The following TENM4 variants were observed in gnomAD, a reference collection of about 807,000 sequenced individuals.
TENM4 encodes the protein teneurin transmembrane protein 4, also known as teneurin-4.
Under a neutral mutation model 243.3 loss-of-function variants are expected in TENM4, and 82 were observed. The observed-to-expected ratio is 0.34, with a 90% CI of 0.28 to 0.40. TENM4 has a LOEUF of 0.40. TENM4 is among the 10% of genes least tolerant of loss of function. The probability of loss-of-function intolerance (pLI) is 1.00; values close to 1 mark genes in which losing one functional copy is unlikely to be tolerated. For missense variants in TENM4, 3,138 were observed against 3,673.3 expected (o/e 0.85, Z 3.77); for synonymous variants, 1,412 against 1,456.3 (o/e 0.97, Z 0.69).
chr11:79,137,328 G>T lies in TENM4; in HGVS notation c.-66+11382C>A, dbSNP rs149115756. 4.6e-3 allele frequency among the ~76,000 whole-genome samples: 704 copies of T among 152,286 alleles called. 5 individuals carry two copies. Among genetic ancestry groups the T allele is most frequent in the African/African-American group, 0.016 (676 of 41,558 alleles). On this transcript the variant is annotated intron_variant, in intron 4 of 33. Coordinates refer to ENST00000278550, the MANE Select transcript of TENM4 (RefSeq NM_001098816.3). Reference sequence around the variant, plus strand: ...GAAATCAGTCTGCTACTCCACAACGGAGGTAAGGAAGAGTATGCATGGAAT... The same window carrying T: ...GAAATCAGTCTGCTACTCCACAACGTAGGTAAGGAAGAGTATGCATGGAAT...
intron 1 of TENM4, among the ~76,000 whole-genome samples, chr11:79,431,177 TG>T (rs1205751154): frequency 1.3e-5 from 2 of 152,246 alleles, no homozygotes; most frequent in African/African-American, 4.8e-5. Context: ...TCTCTAGTCC[TG>T]CTTCAACAAA....
At chr11:79,351,014 G>A (rs1274988714) in intron 1 of TENM4, among the ~76,000 whole-genome samples, 2 of 151,814 alleles carry the variant, frequency 1.3e-5, no homozygotes, top group Non-Finnish European at 2.9e-5. Context: ...TGACCTCCCC[G>A]GCCATACTCT....
intron 6 of TENM4, among the ~76,000 whole-genome samples, chr11:79,009,359 C>A (rs1454340721): frequency 6.6e-6 from 1 of 152,094 alleles, no homozygotes; most frequent in African/African-American, 2.4e-5. Flanking sequence ...GACACTCAAG[C>A]AAGTATTTTA....
intron 2 of TENM4, among the ~76,000 whole-genome samples, chr11:79,253,777 C>G (rs917766609): frequency 1.3e-5 from 2 of 152,012 alleles, no homozygotes; most frequent in Non-Finnish European, 2.9e-5. Context: ...TTCAGAATCT[C>G]AAAATAAACT....
chr11:79,414,762 G>A (rs1241329808), intron 1 of TENM4, among the ~76,000 whole-genome samples: 1 of 152,204 alleles, frequency 6.6e-6, no homozygotes, highest in African/African-American at 2.4e-5. Context: ...AGAGAGAGGG[G>A]CTGAGCAGAG....
At chr11:79,057,858 C>T (rs921069914) in intron 6 of TENM4, among the ~76,000 whole-genome samples, 2 of 152,156 alleles carry the variant, frequency 1.3e-5, no homozygotes, top group African/African-American at 2.4e-5. Flanking sequence ...CTTGGTTTAC[C>T]CCCAAGCTTT....
At chr11:78,737,327 C>T (rs1855824026) in intron 20 of TENM4, among the ~76,000 whole-genome samples, 1 of 152,134 alleles carries the variant, frequency 6.6e-6, no homozygotes, top group Non-Finnish European at 1.5e-5. Context: ...TGAAGACTGG[C>T]CACTAATGTC....
intron 2 of TENM4, among the ~76,000 whole-genome samples, chr11:79,271,116 G>T (rs1855961507): frequency 6.6e-6 from 1 of 152,094 alleles, no homozygotes; most frequent in African/African-American, 2.4e-5. Flanking sequence ...AGTCAGTCTG[G>T]GGGTAAAAGA....
At chr11:79,117,827 C>G (rs1361543715) in intron 4 of TENM4, among the ~76,000 whole-genome samples, 1 of 152,196 alleles carries the variant, frequency 6.6e-6, no homozygotes, top group Non-Finnish European at 1.5e-5. Context: ...CCACTTTCCA[C>G]AGGTAAATGA....
chr11:79,410,319 A>C (rs894953107), intron 1 of TENM4, among the ~76,000 whole-genome samples: 34 of 152,192 alleles, frequency 2.2e-4, no homozygotes, highest in Non-Finnish European at 8.8e-5. Flanking sequence ...GCACCTCTCC[A>C]GTGCTCCATC....
At chr11:78,855,878 G>A in intron 11 of TENM4, 86 bp downstream of exon 11, 1 of 1,301,496 alleles carries the variant, frequency 7.7e-7, no homozygotes, top group Non-Finnish European at 1.1e-6. Flanking sequence ...TCAGGCTTAA[G>A]GCTCTGGATT....
intron 9 of TENM4, among the ~76,000 whole-genome samples, chr11:78,877,240 CTCT>C (rs1203617960): frequency 1.3e-5 from 2 of 152,020 alleles, no homozygotes; most frequent in Admixed American, 6.6e-5. Context: ...TCAGCCCTCT[CTCT>C]TCCTCTCACT....
intron 2 of TENM4, among the ~76,000 whole-genome samples, chr11:79,262,847 G>A (rs778869502): frequency 2.0e-5 from 3 of 152,104 alleles, no homozygotes; most frequent in African/African-American, 7.2e-5. Flanking sequence ...GGATATCTTC[G>A]AGGAAAAAAA....
At chr11:78,749,470 G>T (rs187375723) in intron 19 of TENM4, 66 of 151,898 alleles carry the variant, frequency 4.3e-4, no homozygotes, top group African/African-American at 1.3e-3. Flanking sequence ...CAGGAAGTTG[G>T]TGTTTATTTG....
At chr11:78,757,138 G>T in intron 18 of TENM4, 117 bp from the exon 19 acceptor site, 1 of 1,075,326 alleles carries the variant, frequency 9.3e-7, no homozygotes. Context: ...TTTATTAAAT[G>T]CTGATATAAG....
At chr11:79,299,494 C>T (rs7926727) in intron 1 of TENM4, among the ~76,000 whole-genome samples, 1 of 152,172 alleles carries the variant, frequency 6.6e-6, no homozygotes, top group African/African-American at 2.4e-5. Context: ...GGGTCATCCT[C>T]TTTTGTTACA....
intron 4 of TENM4, among the ~76,000 whole-genome samples, chr11:79,102,046 C>G (rs531887309): frequency 1.3e-5 from 2 of 152,204 alleles, no homozygotes; most frequent in Non-Finnish European, 2.9e-5. Context: ...AATTTCTTAA[C>G]TTCTCCATGC....
intron 4 of TENM4, among the ~76,000 whole-genome samples, chr11:79,085,394 GT>G (rs1555005378): frequency 6.4e-4 from 51 of 79,896 alleles, no homozygotes; most frequent in Admixed American, 1.5e-3. Flanking sequence ...AAAAAGGGGG[GT>G]TTTTTTTTTG....
intron 12 of TENM4, among the ~76,000 whole-genome samples, chr11:78,852,849 A>T (rs1423590101): frequency 6.6e-6 from 1 of 152,120 alleles, no homozygotes. Context: ...TCCTGGGCTC[A>T]AGGGATCCTC....
Sources: gnomAD v4.1 joint callset for allele counts (sites outside exome capture counted in the v4.1 genomes callset) on GRCh38, gnomAD v4.1.1 for gene constraint, MANE v1.5 for transcripts, NCBI Gene and HGNC (gene_info 2026-07-23, HGNC 2026-07-21) for gene names.